The following NUAK1 variants were observed in gnomAD, a reference collection of about 807,000 sequenced individuals.
NUAK1 encodes NUAK family kinase 1.
NUAK1 carries 26 observed loss-of-function variants against 56.9 expected under a neutral mutation model. That is an observed-to-expected ratio of 0.46 (90% CI 0.33 to 0.63). The LOEUF is 0.63. NUAK1 is among the 30% of genes least tolerant of loss of function. The pLI is 0.02. For synonymous variants in NUAK1, 337 were observed against 336.0 expected, an observed-to-expected ratio of 1.00 and a Z score of -0.03; for missense variants, 727 against 876.1, an observed-to-expected ratio of 0.83 and a Z score of 2.15.
chr12:106,109,765 A>G (rs2136473752), intron 1 of NUAK1, among the ~76,000 whole-genome samples: 2 of 152,230 alleles, frequency 1.3e-5, no homozygotes, highest in South Asian at 4.2e-4. Context: ...TCATTCATCT[A>G]GTAGAGAAAT....
chr12:106,095,280 C>T (rs574132700), intron 2 of NUAK1, among the ~76,000 whole-genome samples: 12 of 152,312 alleles, frequency 7.9e-5, no homozygotes, highest in East Asian at 1.9e-4. Flanking sequence ...TACTTGATGC[C>T]GTGAACTTCT....
chr12:106,099,581 G>A (rs1321602261), intron 2 of NUAK1, among the ~76,000 whole-genome samples: 3 of 152,074 alleles, frequency 2.0e-5, no homozygotes, highest in African/African-American at 7.2e-5. Flanking sequence ...TCTGAGTGTT[G>A]CTGCCTGGGT....
intron 2 of NUAK1, among the ~76,000 whole-genome samples, chr12:106,100,510 C>T (rs1260544583): frequency 1.3e-5 from 2 of 152,198 alleles, no homozygotes; most frequent in Non-Finnish European, 1.5e-5. Flanking sequence ...AGGCTCAGTC[C>T]GAAAGGGACC....
At chr12:106,117,131 A>T (rs2032925719) in intron 1 of NUAK1, among the ~76,000 whole-genome samples, 1 of 152,134 alleles carries the variant, frequency 6.6e-6, no homozygotes, top group South Asian at 2.1e-4. Context: ...CACTGTGAGG[A>T]CTATTCCTAC....
chr12:106,106,398 C>A lies in NUAK1; in HGVS notation c.361+7G>T. 3 of 1,583,408 alleles carry A rather than the reference C, an allele frequency of 1.9e-6. No individual in the cohort carries two copies. Among genetic ancestry groups the A allele is most frequent in the Non-Finnish European group, 2.6e-6 (3 of 1,165,806 alleles). On this transcript the variant is annotated splice_region_variant and intron_variant, in intron 2 of 6. Coordinates refer to ENST00000261402, the MANE Select transcript of NUAK1 (RefSeq NM_014840.3). ...TATGGGGGTTAAAAAAAAAAAAAAT[C>A]ACTGACCTTCATAAATACTGATGAT...
At chr12:106,084,039 A>T in intron 3 of NUAK1, 110 bp from the exon 4 acceptor site, 1 of 928,040 alleles carries the variant, frequency 1.1e-6, no homozygotes, top group Non-Finnish European at 1.7e-6. Context: ...AGATTAAAGA[A>T]ATGCACCAGC....
Position 106,066,768 on chromosome 12 carries a change from C to T in NUAK1, c.*34G>A, listed in dbSNP as rs778361403. 7.1e-6 allele frequency: 11 copies of T among 1,543,754 alleles called. No homozygotes were observed. The highest frequency in any genetic ancestry group is 3.5e-5 in the Admixed American group (2 of 56,840). On this transcript the variant is annotated 3_prime_UTR_variant, in exon 7 of 7. Transcript: ENST00000261402. ...CCAAGTCTTGCTCCCCTTCCTCCCT[C>T]GTACCCCCGCCCGCCCCTGGGCGCC...
At chr12:106,115,089 A>G (rs1369331197) in intron 1 of NUAK1, among the ~76,000 whole-genome samples, 1 of 152,226 alleles carries the variant, frequency 6.6e-6, no homozygotes, top group Non-Finnish European at 1.5e-5. Flanking sequence ...CATTGCAAAC[A>G]CTGCTATTAA....
Position 106,138,371 on chromosome 12 carries a change from T to A in NUAK1, c.240+43A>T. 6.4e-7 allele frequency: 1 copy of A among 1,553,994 alleles called. No homozygotes were observed. The highest frequency in any genetic ancestry group is 8.7e-7 in the Non-Finnish European group (1 of 1,156,064). On this transcript the variant is annotated intron_variant, in intron 1 of 6. Coordinates refer to ENST00000261402, the MANE Select transcript of NUAK1 (RefSeq NM_014840.3). The surrounding 1 kb of genome is among the most constrained non-coding windows in gnomAD (Gnocchi z 5.0). ...CGCACGCCCTCAGTCCCCGGCCGCG[T>A]CCACCCAGCGCCCCCCGCACCCTCC...
At chr12:106,136,039 G>A (rs1461792801) in intron 1 of NUAK1, among the ~76,000 whole-genome samples, 2 of 152,144 alleles carry the variant, frequency 1.3e-5, no homozygotes, top group African/African-American at 4.8e-5. Context: ...GGGGAGGACG[G>A]GGGGCCAAGG....
At chr12:106,115,099 AATG>A (rs1185198570) in intron 1 of NUAK1, among the ~76,000 whole-genome samples, 6 of 152,230 alleles carry the variant, frequency 3.9e-5, no homozygotes, top group African/African-American at 9.6e-5. Flanking sequence ...ACTGCTATTA[AATG>A]ATAACTTCAG....
At position 106,072,781 on chromosome 12, in the gene NUAK1, C is replaced by G. The variant is rs778112121; in HGVS notation, c.642G>C (p.Gly214=). ...QKDKFLQTFC[G]SPLYASPEIV... ...TCTCAGGAGATGCATAGAGTGGACT[C>G]CCACAAAACGTTTGTAAGAACTTAT... The change falls in exon 5 of 7, where the codon GGG becomes GGC. Residue 214 remains glycine, a synonymous_variant. Transcript: ENST00000261402. 2 of 1,614,010 alleles carry G rather than the reference C, an allele frequency of 1.2e-6. No homozygotes were observed. The highest frequency in any genetic ancestry group is 2.2e-5 in the South Asian group (2 of 91,070).
chr12:106,126,093 A>G (rs553382218), intron 1 of NUAK1, among the ~76,000 whole-genome samples: 3 of 152,338 alleles, frequency 2.0e-5, no homozygotes, highest in African/African-American at 7.2e-5. Flanking sequence ...GAAAGTAATA[A>G]AATTCTGAGA....
chr12:106,066,960 T>C lies in NUAK1; in HGVS notation c.1828A>G (p.Ile610Val), dbSNP rs769658123. Reference sequence around the variant, plus strand: ...TTCTGGAGCCCCTCAAAGTCCTGGATCTGGAGGAAGTTTTCTGCAGAGACG... The same window carrying C: ...TTCTGGAGCCCCTCAAAGTCCTGGACCTGGAGGAAGTTTTCTGCAGAGACG... ...SCVSAENFLQ[I>V]QDFEGLQNRP... Residue 610 changes from isoleucine (I) to valine (V), a missense_variant, in exon 7 of 7, where the codon ATC becomes GTC. Coordinates refer to ENST00000261402, the MANE Select transcript of NUAK1 (RefSeq NM_014840.3). 25 of 1,613,996 alleles carry C rather than the reference T, an allele frequency of 1.5e-5. No homozygotes were observed. Among genetic ancestry groups the C allele is most frequent in the Non-Finnish European group, 1.6e-5 (19 of 1,180,022 alleles).
At chr12:106,131,437 A>G (rs1187415672) in intron 1 of NUAK1, among the ~76,000 whole-genome samples, 1 of 152,098 alleles carries the variant, frequency 6.6e-6, no homozygotes, top group Non-Finnish European at 1.5e-5. Flanking sequence ...GGAATCATAC[A>G]ATCTGTGGTC....
At chr12:106,134,493 C>T (rs1380549453) in intron 1 of NUAK1, among the ~76,000 whole-genome samples, 1 of 152,196 alleles carries the variant, frequency 6.6e-6, no homozygotes, top group African/African-American at 2.4e-5. Flanking sequence ...CACACATTGC[C>T]CACCAGTCCT....
In NUAK1 at chr12:106,065,468, A is replaced by T. The variant is rs914394625; in HGVS notation, c.*1334T>A. 5 of 152,150 alleles carry T rather than the reference A, an allele frequency of 3.3e-5. No individual in the cohort carries two copies. The highest frequency in any genetic ancestry group is 3.3e-4 in the Admixed American group (5 of 15,268). 9.4% of individuals were successfully genotyped at this position (152,150 alleles called of 1,614,324 possible). On this transcript the variant is annotated 3_prime_UTR_variant, in exon 7 of 7. Transcript: ENST00000261402. ...ACACCTTATTCATTTAAATGAATGG[A>T]ACTTTCTCTTCCCCCAAAGCCCAGG...
chr12:106,119,590 T>C (rs1025071297), intron 1 of NUAK1, among the ~76,000 whole-genome samples: 1 of 152,210 alleles, frequency 6.6e-6, no homozygotes, highest in Non-Finnish European at 1.5e-5. Flanking sequence ...AGACACAGCC[T>C]CACTGACAGA....
At chr12:106,072,929 G>A in intron 4 of NUAK1, 86 bp from the exon 5 acceptor site, 1 of 1,512,046 alleles carries the variant, frequency 6.6e-7, no homozygotes, top group African/African-American at 1.4e-5. Flanking sequence ...ACAGCACACA[G>A]AGTGGATGAA....
Sources: gnomAD v4.1 joint callset for allele counts (sites outside exome capture counted in the v4.1 genomes callset) on GRCh38, gnomAD v4.1.1 for gene constraint, Gnocchi (gnomAD v3.1) non-coding constraint, MANE v1.5 for transcripts, NCBI Gene and HGNC (gene_info 2026-07-23, HGNC 2026-07-21) for gene names.